The following COBL variants were observed in gnomAD, a reference collection of about 807,000 sequenced individuals.
COBL encodes protein cordon-bleu.
In COBL, 51 loss-of-function variants were observed where a neutral mutation model predicts 98.8. The ratio of observed to expected loss-of-function variants is 0.52; its 90% CI spans 0.41 to 0.65. The LOEUF (loss-of-function observed/expected upper bound fraction) is 0.65, where lower values mean the gene tolerates loss of function less well. Ranked by LOEUF, COBL falls within the 30% of genes least tolerant of loss-of-function variation. COBL has a pLI of 0.00. For missense variants in COBL, 1,617 were observed against 1,617.5 expected (o/e 1.00, Z 0.01); for synonymous variants, 634 against 651.7 (o/e 0.97, Z 0.41).
chr7:51,018,768 T>C (rs1400477856), intron 12 of COBL, among the ~76,000 whole-genome samples: 16 of 150,742 alleles, frequency 1.1e-4, no homozygotes, highest in Admixed American at 1.1e-3. Flanking sequence ...GGCACATGCC[T>C]GTAATGCCAG....
At position 51,201,106 on chromosome 7, in the gene COBL, G is replaced by C. The variant is rs111608220; in HGVS notation, c.246-7517C>G. Among the ~76,000 whole-genome samples the C allele has an allele frequency of 4.7e-3, 715 of 152,026 alleles. 4 individuals are homozygous for C. The highest frequency in any genetic ancestry group is 0.016 in the African/African-American group (664 of 41,470). Reference sequence around the variant, plus strand: ...ATACCAAAAATTAGCTGGGCGTGGTGGTGGGCGCCTTTAATCCCTGCTACT... The same window carrying C: ...ATACCAAAAATTAGCTGGGCGTGGTCGTGGGCGCCTTTAATCCCTGCTACT... On this transcript the variant is annotated intron_variant, in intron 2 of 12. Coordinates refer to ENST00000265136, the MANE Select transcript of COBL (RefSeq NM_015198.5).
intron 7 of COBL, among the ~76,000 whole-genome samples, chr7:51,067,509 C>G (rs982508423): frequency 6.6e-6 from 1 of 152,164 alleles, no homozygotes; most frequent in Non-Finnish European, 1.5e-5. Flanking sequence ...ATGCATGCAC[C>G]ATGGGTGCAC....
At chr7:51,125,387 C>T (rs1257803269) in intron 6 of COBL, among the ~76,000 whole-genome samples, 1 of 152,174 alleles carries the variant, frequency 6.6e-6, no homozygotes, top group Non-Finnish European at 1.5e-5. Context: ...GAACTTCCAG[C>T]CTCCAGGACT....
chr7:51,128,559 C>T (rs1216332766), intron 6 of COBL, among the ~76,000 whole-genome samples: 1 of 152,124 alleles, frequency 6.6e-6, no homozygotes, highest in Non-Finnish European at 1.5e-5. Context: ...CTGAAGAATC[C>T]TCCCACCTTA....
At chr7:51,147,677 A>G (rs569238538) in intron 5 of COBL, among the ~76,000 whole-genome samples, 7 of 152,326 alleles carry the variant, frequency 4.6e-5, no homozygotes, top group Non-Finnish European at 1.0e-4. Flanking sequence ...CGCTTGGACT[A>G]GTATAAGCAT....
intron 5 of COBL, among the ~76,000 whole-genome samples, chr7:51,146,123 C>G (rs1035642817): frequency 7.2e-5 from 11 of 152,202 alleles, no homozygotes; most frequent in Non-Finnish European, 1.3e-4. Flanking sequence ...ATGCAAGGTG[C>G]CAGCCTCTGA....
chr7:51,285,798 A>C (rs897200428), intron 1 of COBL, among the ~76,000 whole-genome samples: 5 of 152,228 alleles, frequency 3.3e-5, no homozygotes, highest in African/African-American at 1.2e-4. Context: ...AATTTTGAAA[A>C]ATAAGAATGT....
chr7:51,028,024 T>C lies in COBL; in HGVS notation c.3072A>G (p.Pro1024=). Residue 1024 remains proline, a synonymous_variant, in exon 10 of 13, where the codon CCA becomes CCG. Transcript: ENST00000265136. ...RAPDGTDPPP[P]HTSDTQACSR... ...TGCAGGCCTGAGTGTCAGATGTGTGTGGAGGGGGTGGGTCTGTACCATCAG... is the reference window on the plus strand; with the variant it reads ...TGCAGGCCTGAGTGTCAGATGTGTGCGGAGGGGGTGGGTCTGTACCATCAG... 1 of 1,604,646 alleles carries C rather than the reference T, an allele frequency of 6.2e-7. No individual in the cohort carries two copies. The highest frequency in any genetic ancestry group is 8.5e-7 in the Non-Finnish European group (1 of 1,175,252).
rs553665803 is a variant in COBL, at chr7:51,041,801, G to A, written c.1406+1582C>T. Among the ~76,000 whole-genome samples, 9 of 151,986 alleles carry A rather than the reference G, an allele frequency of 5.9e-5. No individual in the cohort carries two copies. The South Asian group carries it at 1.9e-3, about 32-fold the overall frequency. On this transcript the variant is annotated intron_variant, in intron 8 of 12. Coordinates refer to ENST00000265136, the MANE Select transcript of COBL (RefSeq NM_015198.5). Reference sequence around the variant, plus strand: ...ACCCAGCCCATTTTACCTTATTTCTGTTAACATTTCCATAATATTTATTTG... The same window carrying A: ...ACCCAGCCCATTTTACCTTATTTCTATTAACATTTCCATAATATTTATTTG...
intron 7 of COBL, among the ~76,000 whole-genome samples, chr7:51,047,561 C>T (rs774934249): frequency 4.6e-5 from 7 of 152,098 alleles, no homozygotes; most frequent in African/African-American, 9.7e-5. Context: ...TTTTATTAAA[C>T]GCAAATTAAA....
intron 5 of COBL, among the ~76,000 whole-genome samples, chr7:51,139,405 T>C (rs1223217953): frequency 6.6e-6 from 1 of 152,196 alleles, no homozygotes. Flanking sequence ...AGTTCTGATA[T>C]TGATTATCTT....
At chr7:51,186,681 G>A (rs973505745) in intron 4 of COBL, among the ~76,000 whole-genome samples, 4 of 152,190 alleles carry the variant, frequency 2.6e-5, no homozygotes, top group African/African-American at 9.6e-5. Flanking sequence ...AGGCACCAGG[G>A]GCCTGTGACT....
chr7:51,263,274 G>A (rs1036877233), intron 1 of COBL, among the ~76,000 whole-genome samples: 1 of 152,188 alleles, frequency 6.6e-6, no homozygotes, highest in African/African-American at 2.4e-5. Flanking sequence ...AGAGCACACA[G>A]GCCAGGAGGC....
intron 2 of COBL, among the ~76,000 whole-genome samples, chr7:51,207,823 C>A (rs1005856736): frequency 6.6e-6 from 1 of 152,182 alleles, no homozygotes; most frequent in Non-Finnish European, 1.5e-5. Flanking sequence ...CCCAAAGTGC[C>A]GAGATTGCAG....
At chr7:51,147,206 C>G (rs1318264740) in intron 5 of COBL, among the ~76,000 whole-genome samples, 2 of 152,204 alleles carry the variant, frequency 1.3e-5, no homozygotes, top group African/African-American at 4.8e-5. Context: ...AGCTGGGAGC[C>G]AGCGCACTGA....
chr7:51,192,814 C>A (rs950065359), intron 3 of COBL, among the ~76,000 whole-genome samples: 7 of 151,790 alleles, frequency 4.6e-5, no homozygotes, highest in African/African-American at 1.7e-4. Context: ...CTATGGATAC[C>A]AACTGCTTCC....
intron 6 of COBL, among the ~76,000 whole-genome samples, chr7:51,117,197 TCTTA>T (rs1472341479): frequency 1.7e-4 from 21 of 125,326 alleles, no homozygotes; most frequent in African/African-American, 6.2e-4. Flanking sequence ...ACAGTTTTCT[TCTTA>T]TTTATTTTGA....
chr7:51,301,577 G>A (rs189014386), intron 1 of COBL, among the ~76,000 whole-genome samples: 44 of 152,334 alleles, frequency 2.9e-4, no homozygotes, highest in African/African-American at 1.1e-3. Flanking sequence ...CCTCACACCT[G>A]AGTGTCGGTC....
intron 7 of COBL, chr7:51,064,861 CAG>C: frequency 2.7e-6 from 1 of 371,892 alleles, no homozygotes. Context: ...AAGTGAAACA[CAG>C]AGGCTGCCAG....
Sources: allele counts gnomAD v4.1 joint callset (sites outside exome capture counted in the v4.1 genomes callset), GRCh38; gene constraint gnomAD v4.1.1; transcripts MANE v1.5; gene names NCBI Gene and HGNC (gene_info 2026-07-23, HGNC 2026-07-21).